Variants in NEU1 observed in about 807,000 individuals in gnomAD.
NEU1 encodes the protein sialidase-1.
NEU1 carries 32 observed loss-of-function variants against 38.3 expected under a neutral mutation model. The observed-to-expected ratio is 0.84, with a 90% confidence interval of 0.63 to 1.12. The LOEUF (loss-of-function observed/expected upper bound fraction) is 1.12. Among genes scored for constraint, NEU1 ranks in the 50% most tolerant of loss-of-function variants. The pLI, the probability that NEU1 is intolerant of heterozygous loss-of-function variation, is 0.00. For missense variants in NEU1, 431 were observed against 549.2 expected (o/e 0.78, Z 2.15); for synonymous variants, 192 against 225.2 (o/e 0.85, Z 1.32).
chr6:31,861,779 A>G (rs1762524728), intron 2 of NEU1: 2 of 649,494 alleles, frequency 3.1e-6, no homozygotes, highest in East Asian at 5.4e-5. Flanking sequence ...GTATAGGTAT[A>G]TAGTACCCAA....
Position 31,860,475 on chromosome 6 carries a change from G to A in NEU1, c.762C>T (p.Pro254=), listed in dbSNP as rs752064821. Reference sequence around the variant, plus strand: ...CAGGATTGAAATCATTTTCCTGCTTGGGCTGACCGTAGGGGATGCCGCTGA... The same window carrying A: ...CAGGATTGAAATCATTTTCCTGCTTAGGCTGACCGTAGGGGATGCCGCTGA... The part of the protein sequence containing the change: ...SGVSGIPYGQ[P]KQENDFNPDE... Residue 254 remains proline (P), a synonymous_variant, in exon 4 of 6, where the codon CCC becomes CCT. Coordinates refer to ENST00000375631, the MANE Select transcript of NEU1 (RefSeq NM_000434.4). The surrounding 1 kb of genome is among the most constrained non-coding windows in gnomAD (Gnocchi z 4.8). 1 of 1,614,046 alleles carries A rather than the reference G, an allele frequency of 6.2e-7. No individual in the cohort carries two copies. The highest frequency in any genetic ancestry group is 1.7e-5 in the Admixed American group (1 of 60,008).
Position 31,862,524 on chromosome 6 carries a change from G to A in NEU1, c.159+94C>T. 1 of 1,565,046 alleles carries A rather than the reference G, an allele frequency of 6.4e-7. No homozygotes were observed. The highest frequency in any genetic ancestry group is 8.8e-7 in the Non-Finnish European group (1 of 1,137,410). On this transcript the variant is annotated intron_variant, in intron 1 of 5. Transcript: ENST00000375631. The surrounding 1 kb of genome is among the most constrained non-coding windows in gnomAD (Gnocchi z 6.3). ...CTGGGAGAAAGAAAAGGGTCCTGTC[G>A]CGGAAAGTCGGCTCAGCCGCCCGCG...
At position 31,861,994 on chromosome 6, in the gene NEU1, T is replaced by A. The variant is rs1487714356; in HGVS notation, c.352+5A>T. 1.2e-6 allele frequency: 2 copies of A among 1,613,062 alleles called. No homozygotes were observed. The highest frequency in any genetic ancestry group is 3.3e-5 in the Admixed American group (2 of 60,024). ...ACCGGCTCTTTCACCCAGACATCTT[T>A]ATACCCTGGTCCATGGACCTCCGCA... On this transcript the variant is annotated splice_donor_5th_base_variant and intron_variant, in intron 2 of 5. Coordinates refer to ENST00000375631, the MANE Select transcript of NEU1 (RefSeq NM_000434.4).
Position 31,862,102 on chromosome 6 carries a change from T to G in NEU1, c.249A>C (p.Thr83=), listed in dbSNP as rs954742285. The G allele has an allele frequency of 5.6e-6, 9 of 1,612,976 alleles. No homozygotes were observed. Among genetic ancestry groups the G allele is most frequent in the African/African-American group, 1.3e-5 (1 of 74,928 alleles). ...CGAGAAGAGTGCCCCGCGGAGTGGCTGTGATGAGCGGGATGCGGAAGGTGT... is the reference window on the plus strand; with the variant it reads ...CGAGAAGAGTGCCCCGCGGAGTGGCGGTGATGAGCGGGATGCGGAAGGTGT... ...SVDTFRIPLI[T]ATPRGTLLAF... is the part of the protein sequence containing the mutation. Residue 83 remains threonine, a synonymous_variant, in exon 2 of 6, where the codon ACA becomes ACC. Coordinates refer to ENST00000375631, the MANE Select transcript of NEU1 (RefSeq NM_000434.4). This position sits in a 1 kb window ranked among gnomAD's most constrained non-coding sequence, Gnocchi z 6.3.
At position 31,860,974 on chromosome 6, in the gene NEU1, G is replaced by T; in HGVS notation, c.615+214C>A. On this transcript the variant is annotated intron_variant, in intron 3 of 5. Coordinates refer to ENST00000375631, the MANE Select transcript of NEU1 (RefSeq NM_000434.4). This position sits in a 1 kb window ranked among gnomAD's most constrained non-coding sequence, Gnocchi z 4.8. Reference sequence around the variant, plus strand: ...TGAGGGTATTGCATGGACTAACGCAGTCCTGTTGACAATGCCAAATGGGAA... The same window carrying T: ...TGAGGGTATTGCATGGACTAACGCATTCCTGTTGACAATGCCAAATGGGAA... The T allele has an allele frequency of 1.5e-6, 1 of 659,604 alleles. No homozygotes were observed. The highest frequency in any genetic ancestry group is 2.6e-6 in the Non-Finnish European group (1 of 387,774). The allele number at this position is 659,604 out of a possible 1,614,324, so 40.9% of individuals were successfully genotyped here.
chr6:31,859,971 GAGAGGGT>G, intron 5 of NEU1, 26 bp from the exon 6 acceptor site: 1 of 1,612,794 alleles, frequency 6.2e-7, no homozygotes, highest in Non-Finnish European at 8.5e-7. Context: ...GAGTCAGGGA[GAGAGGGT>G]CTCTGCCCAG....
chr6:31,859,987 AGGCCTTG>A, intron 5 of NEU1, 42 bp from the exon 6 acceptor site: 1 of 1,612,392 alleles, frequency 6.2e-7, no homozygotes, highest in Non-Finnish European at 8.5e-7. Flanking sequence ...GTCTCTGCCC[AGGCCTTG>A]TCTAGACACA....
In NEU1 at chr6:31,862,038, C is replaced by T; in HGVS notation, c.313G>A (p.Gly105Arg). 4 of 1,613,104 alleles carry T rather than the reference C, an allele frequency of 2.5e-6. No individual in the cohort carries two copies. The highest frequency in any genetic ancestry group is 2.5e-6 in the Non-Finnish European group (3 of 1,180,032). Residue 105 changes from glycine (G) to arginine (R), a missense_variant, in exon 2 of 6, where the codon GGG (glycine) becomes AGG (arginine). By Grantham distance (125) the Gly-to-Arg change is moderately radical. Coordinates refer to ENST00000375631, the MANE Select transcript of NEU1 (RefSeq NM_000434.4). The surrounding 1 kb of genome is among the most constrained non-coding windows in gnomAD (Gnocchi z 6.3). ...CTCCGCAGGGCGATGAACTTGGCCC[C>T]CTCATCGGATGAGGACATTTTCCTC... Reference protein sequence around the residue: ...EARKMSSSDEGAKFIALRRSM... With the variant: ...EARKMSSSDERAKFIALRRSM...
At chr6:31,861,021 T>A in intron 3 of NEU1, 167 bp downstream of exon 3, 2 of 909,632 alleles carry the variant, frequency 2.2e-6, no homozygotes, top group Non-Finnish European at 3.3e-6. Flanking sequence ...AGTTCCCTCT[T>A]CTCCTGATAA....
intron 2 of NEU1, chr6:31,861,721 G>T (rs1762522358): frequency 1.5e-5 from 9 of 620,244 alleles, no homozygotes; most frequent in Non-Finnish European, 2.3e-5. Context: ...AGAGATTTTT[G>T]ATCTGTTTTG....
chr6:31,860,931 G>C lies in NEU1; in HGVS notation c.615+257C>G. The stretch of plus-strand genomic sequence containing the variant: ...GCTTGTGTCTGTCCAAAGAGGCAGT[G>C]CCTTTTTCTACTTTGCATGAGGGTA... On this transcript the variant is annotated intron_variant, in intron 3 of 5. Coordinates refer to ENST00000375631, the MANE Select transcript of NEU1 (RefSeq NM_000434.4). The surrounding 1 kb of genome is among the most constrained non-coding windows in gnomAD (Gnocchi z 4.8). 1.6e-6 allele frequency: 1 copy of C among 621,108 alleles called. No homozygotes were observed. The highest frequency in any genetic ancestry group is 2.8e-6 in the Non-Finnish European group (1 of 356,076). The allele number at this position is 621,108 out of a possible 1,614,324, so 38.5% of individuals were successfully genotyped here.
Position 31,860,765 on chromosome 6 carries a change from C to A in NEU1, c.616-144G>T. 1.2e-6 allele frequency: 1 copy of A among 858,510 alleles called. No individual in the cohort carries two copies. Among genetic ancestry groups the A allele is most frequent in the Non-Finnish European group, 1.9e-6 (1 of 524,644 alleles). 53.2% of individuals were successfully genotyped at this position (858,510 alleles called of 1,614,324 possible). ...GCTCACTGAGGGTTCCAGTCAGATC[C>A]CATAAATACACACCCTGTTTGAATT... On this transcript the variant is annotated intron_variant, in intron 3 of 5. Coordinates refer to ENST00000375631, the MANE Select transcript of NEU1 (RefSeq NM_000434.4). The surrounding 1 kb of genome is among the most constrained non-coding windows in gnomAD (Gnocchi z 4.8).
Position 31,860,942 on chromosome 6 carries a change from C to T in NEU1, c.615+246G>A. The T allele has an allele frequency of 3.2e-6, 2 of 626,214 alleles. No homozygotes were observed. Among genetic ancestry groups the T allele is most frequent in the East Asian group, 2.7e-5 (1 of 36,588 alleles). 38.8% of individuals were successfully genotyped at this position (626,214 alleles called of 1,614,324 possible). On this transcript the variant is annotated intron_variant, in intron 3 of 5. Coordinates refer to ENST00000375631, the MANE Select transcript of NEU1 (RefSeq NM_000434.4). This position sits in a 1 kb window ranked among gnomAD's most constrained non-coding sequence, Gnocchi z 4.8. ...TCCAAAGAGGCAGTGCCTTTTTCTA[C>T]TTTGCATGAGGGTATTGCATGGACT...
rs1229818991 is a variant in NEU1 at position 31,859,191 on chromosome 6, T to C, written c.*528A>G. ...ACGAAGATGTGCATTGACAGAACCA[T>C]AGAGACTCTACAAATATTCATTATC... On this transcript the variant is annotated 3_prime_UTR_variant, in exon 6 of 6. Transcript: ENST00000375631. The C allele has an allele frequency of 8.4e-6, 2 of 238,662 alleles. No individual in the cohort carries two copies. The highest frequency in any genetic ancestry group is 4.5e-5 in the African/African-American group (2 of 44,808). The allele number at this position is 238,662 out of a possible 1,614,324, so 14.8% of individuals were successfully genotyped here.
rs1320414780 is a variant in NEU1, at chr6:31,862,405, G to C, written c.159+213C>G. On this transcript the variant is annotated intron_variant, in intron 1 of 5. Coordinates refer to ENST00000375631, the MANE Select transcript of NEU1 (RefSeq NM_000434.4). This position sits in a 1 kb window ranked among gnomAD's most constrained non-coding sequence, Gnocchi z 6.3. ...AAAGGAGAAGGCGCCTTCAGGGAGG[G>C]AAGGGGACCCCAAAAGAGGAAGGGG... 6.6e-6 allele frequency among the ~76,000 whole-genome samples: 1 copy of C among 152,166 alleles called. No homozygotes were observed. The highest frequency in any genetic ancestry group is 2.4e-5 in the African/African-American group (1 of 41,456).
At position 31,858,928 on chromosome 6, in the gene NEU1, G is replaced by A. The variant is rs622076; in HGVS notation, c.*791C>T. The A allele has an allele frequency of 0.13, 20,073 of 152,866 alleles. 1,437 individuals are homozygous for A. The highest frequency in any genetic ancestry group is 0.16 in the African/African-American group (6,604 of 41,434). The allele number at this position is 152,866 out of a possible 1,614,324, so 9.5% of individuals were successfully genotyped here. ...TCCCAACTACTCCGGAGGCTGAGACGTGAGGATCACTTGAGCCCAGGAGGT... is the reference window on the plus strand; with the variant it reads ...TCCCAACTACTCCGGAGGCTGAGACATGAGGATCACTTGAGCCCAGGAGGT... On this transcript the variant is annotated 3_prime_UTR_variant, in exon 6 of 6. Coordinates refer to ENST00000375631, the MANE Select transcript of NEU1 (RefSeq NM_000434.4).
Position 31,859,961 on chromosome 6 carries a change from G to A in NEU1, c.1022-16C>T. The A allele has an allele frequency of 6.2e-7, 1 of 1,612,924 alleles. No homozygotes were observed. ...AGGTTCACTCCTGGGGAGAGCAGGAGAGTCAGGGAGAGAGGGTCTCTGCCC... is the reference window on the plus strand; with the variant it reads ...AGGTTCACTCCTGGGGAGAGCAGGAAAGTCAGGGAGAGAGGGTCTCTGCCC... On this transcript the variant is annotated splice_polypyrimidine_tract_variant and intron_variant, in intron 5 of 5. Transcript: ENST00000375631.
chr6:31,859,825 T>G lies in NEU1; in HGVS notation c.1142A>C (p.Asp381Ala). 1 of 1,613,044 alleles carries G rather than the reference T, an allele frequency of 6.2e-7. No individual in the cohort carries two copies. Among genetic ancestry groups the G allele is most frequent in the Non-Finnish European group, 8.5e-7 (1 of 1,180,022 alleles). The change falls in exon 6 of 6, where the codon GAT becomes GCT. Residue 381 changes from aspartate (D) to alanine (A), a missense_variant. Coordinates refer to ENST00000375631, the MANE Select transcript of NEU1 (RefSeq NM_000434.4). ...SSLATLEGSM[D>A]GEEQAPQLYV... ...GAGCTGGGGGGCCTGCTCCTCTCCA[T>G]CCATGCTGCCCTCCAGGGTTGCCAG...
At position 31,859,800 on chromosome 6, in the gene NEU1, G is replaced by C; in HGVS notation, c.1167C>G (p.Leu389=). 1.2e-6 allele frequency: 2 copies of C among 1,613,072 alleles called. No individual in the cohort carries two copies. Among genetic ancestry groups the C allele is most frequent in the Non-Finnish European group, 1.7e-6 (2 of 1,180,024 alleles). ...SMDGEEQAPQ[L]YVLYEKGRNH... ...TCCGGCCTTTCTCATACAGGACGTA[G>C]AGCTGGGGGGCCTGCTCCTCTCCAT... The change falls in exon 6 of 6, where the codon CTC becomes CTG. Residue 389 remains leucine (L), a synonymous_variant. Coordinates refer to ENST00000375631, the MANE Select transcript of NEU1 (RefSeq NM_000434.4).
Sources: gnomAD v4.1 joint callset for allele counts (sites outside exome capture counted in the v4.1 genomes callset) on GRCh38, gnomAD v4.1.1 for gene constraint, Gnocchi (gnomAD v3.1) non-coding constraint, MANE v1.5 for transcripts, NCBI Gene and HGNC (gene_info 2026-07-23, HGNC 2026-07-21) for gene names.